The following TUBGCP4 variants were observed in gnomAD, a reference collection of about 807,000 sequenced individuals.
The protein encoded by TUBGCP4 is tubulin gamma complex component 4, also known as gamma-tubulin complex component 4.
A neutral mutation model predicts 91.6 loss-of-function variants in TUBGCP4; 54 were observed. The observed-to-expected ratio is 0.59, with a 90% CI of 0.47 to 0.74. The LOEUF (loss-of-function observed/expected upper bound fraction) is 0.74, where lower values mean the gene tolerates loss of function less well. TUBGCP4 is among the 30% of genes least tolerant of loss of function. TUBGCP4 has a pLI of 0.00. For missense variants in TUBGCP4, 593 were observed against 800.9 expected, an observed-to-expected ratio of 0.74 and a Z score of 3.13; for synonymous variants, 297 against 302.8, an observed-to-expected ratio of 0.98 and a Z score of 0.20.
Position 43,385,736 on chromosome 15 carries a change from GT to G in TUBGCP4, c.724-51del. 3 of 1,587,432 alleles carry G rather than the reference GT, an allele frequency of 1.9e-6. No individual in the cohort carries two copies. The Middle Eastern group carries it at 5.0e-4, about 266-fold the overall frequency. ...TGGGAGAGTTACTAGGTATTTTCTT[GT>G]TTTCCTTTTCTTGCTTCACACTGCA... On this transcript the variant is annotated intron_variant, in intron 7 of 17. Coordinates refer to ENST00000564079, the MANE Select transcript of TUBGCP4 (RefSeq NM_014444.5).
At chr15:43,383,627 G>A (rs2044316504) in intron 7 of TUBGCP4, 123 bp downstream of exon 7, 2 of 738,238 alleles carry the variant, frequency 2.7e-6, no homozygotes, top group South Asian at 2.6e-5. Flanking sequence ...TCCTTTCGAT[G>A]TAAACATTCG....
chr15:43,404,399 CCTT>C lies in TUBGCP4; in HGVS notation c.1849-11_1849-9del, dbSNP rs771076575. 10 of 1,613,962 alleles carry C rather than the reference CCTT, an allele frequency of 6.2e-6. No homozygotes were observed. Among genetic ancestry groups the C allele is most frequent in the Non-Finnish European group, 8.5e-6 (10 of 1,179,900 alleles). ...AGCTGAAGTGGAATGACAGCTGAGT[CCTT>C]CTCTCTGCAGGGCTTTAGCCGCCAG... On this transcript the variant is annotated splice_polypyrimidine_tract_variant and intron_variant, in intron 16 of 17. Coordinates refer to ENST00000564079, the MANE Select transcript of TUBGCP4 (RefSeq NM_014444.5).
chr15:43,403,903 T>A (rs1303688092), intron 16 of TUBGCP4, 104 bp downstream of exon 16: 8 of 768,554 alleles, frequency 1.0e-5, no homozygotes, highest in Non-Finnish European at 1.6e-5. Context: ...ATTTCCTCAA[T>A]ACACACACGT....
Position 43,380,121 on chromosome 15 carries a change from A to G in TUBGCP4, c.479A>G (p.His160Arg). 6.2e-7 allele frequency: 1 copy of G among 1,614,034 alleles called. No homozygotes were observed. The highest frequency in any genetic ancestry group is 8.5e-7 in the Non-Finnish European group (1 of 1,179,942). The change falls in exon 6 of 18, where the codon CAC becomes CGC. Residue 160 changes from histidine to arginine, a missense_variant. His to Arg is a conservative substitution (Grantham distance 29, BLOSUM62 0). Coordinates refer to ENST00000564079, the MANE Select transcript of TUBGCP4 (RefSeq NM_014444.5). ...CAAATCCTGGAAACAGTCTACAAAC[A>G]CAGCTGTGGGGGGTTGCCTCCTGTT... ...GCQILETVYK[H>R]SCGGLPPVRS...
In TUBGCP4 at chr15:43,404,687, A is replaced by G. The variant is rs1345222817; in HGVS notation, c.1988+135A>G. 1.3e-5 allele frequency: 12 copies of G among 917,936 alleles called. No homozygotes were observed. In the Admixed American group the frequency reaches 3.3e-4, roughly 25 times the overall value. The allele number at this position is 917,936 out of a possible 1,614,324, so 56.9% of individuals were successfully genotyped here. A position where few individuals can be genotyped will look rare whatever the true frequency, so the allele number is the denominator to read the frequency against. On this transcript the variant is annotated intron_variant, in intron 17 of 17. Transcript: ENST00000564079. The stretch of plus-strand genomic sequence containing the variant: ...AGTAAGGCTTAGAGATAGAGGTGTG[A>G]CCATCTTTAATAATTTTAATGGAGG...
At chr15:43,404,304 T>C (rs1476158841) in intron 16 of TUBGCP4, 109 bp from the exon 17 acceptor site, 4 of 1,395,118 alleles carry the variant, frequency 2.9e-6, no homozygotes, top group African/African-American at 1.4e-5. Context: ...GGTGGTTCTG[T>C]AGAATTTTGA....
At chr15:43,395,557 A>G (rs778574789) in intron 10 of TUBGCP4, 26 bp from the exon 11 acceptor site, 1 of 1,564,098 alleles carries the variant, frequency 6.4e-7, no homozygotes, top group South Asian at 1.1e-5. Flanking sequence ...GCTTTACTGA[A>G]TTGTAAATTG....
At chr15:43,381,144 A>G (rs530306495) in intron 6 of TUBGCP4, among the ~76,000 whole-genome samples, 117 of 152,286 alleles carry the variant, frequency 7.7e-4, no homozygotes, top group African/African-American at 2.7e-3. Flanking sequence ...CCACTGCATG[A>G]GTAAATCCTC....
At chr15:43,397,731 GAC>G (rs2044605249) in intron 12 of TUBGCP4, among the ~76,000 whole-genome samples, 1 of 152,126 alleles carries the variant, frequency 6.6e-6, no homozygotes, top group Admixed American at 6.5e-5. Context: ...TTCTTTTGGA[GAC>G]AGAGTCTCAC....
intron 5 of TUBGCP4, among the ~76,000 whole-genome samples, chr15:43,379,485 CA>C (rs757483269): frequency 5.3e-5 from 8 of 151,400 alleles, no homozygotes; most frequent in African/African-American, 1.7e-4. Flanking sequence ...ACTAAAAATA[CA>C]AAAAAAATTA....
At chr15:43,375,273 G>A (rs1215928977) in intron 1 of TUBGCP4, among the ~76,000 whole-genome samples, 4 of 152,234 alleles carry the variant, frequency 2.6e-5, no homozygotes, top group Admixed American at 2.0e-4. Context: ...GTTTGGCAGG[G>A]GCTGGATACG....
At position 43,405,453 on chromosome 15, in the gene TUBGCP4, G is replaced by A. The variant is rs1169390425; in HGVS notation, c.*239G>A. On this transcript the variant is annotated 3_prime_UTR_variant, in exon 18 of 18. Coordinates refer to ENST00000564079, the MANE Select transcript of TUBGCP4 (RefSeq NM_014444.5). ...TGGCATCTCTGATCCTTTACATTGA[G>A]AACATTTGTTGGATATGTTCATTTA... is the stretch of plus-strand genomic sequence containing the variant. The A allele has an allele frequency of 3.5e-6, 2 of 576,124 alleles. No individual in the cohort carries two copies. The highest frequency in any genetic ancestry group is 6.2e-6 in the Non-Finnish European group (2 of 323,704). 35.7% of individuals were successfully genotyped at this position (576,124 alleles called of 1,614,324 possible). A position where few individuals can be genotyped will look rare whatever the true frequency, so the allele number is the denominator to read the frequency against.
chr15:43,400,466 T>C (rs1209767755), intron 14 of TUBGCP4, among the ~76,000 whole-genome samples: 1 of 152,184 alleles, frequency 6.6e-6, no homozygotes, highest in Non-Finnish European at 1.5e-5. Flanking sequence ...GGTACAGTCA[T>C]AGCTCACTGA....
intron 6 of TUBGCP4, among the ~76,000 whole-genome samples, chr15:43,380,879 C>T (rs2044275508): frequency 6.6e-6 from 1 of 152,086 alleles, no homozygotes; most frequent in Non-Finnish European, 1.5e-5. Flanking sequence ...TATCCATTTT[C>T]CTTATTTTAA....
chr15:43,372,838 G>T lies in TUBGCP4; in HGVS notation c.78+1406G>T, dbSNP rs561306576. ...CTTGTTTATTTCCCTTGTAGGATTT[G>T]TCACAATTCATAATGTATTGTTGTT... On this transcript the variant is annotated intron_variant, in intron 1 of 17. Transcript: ENST00000564079. Among the ~76,000 whole-genome samples, 7 of 152,268 alleles carry T rather than the reference G, an allele frequency of 4.6e-5. No homozygotes were observed. In the East Asian group the frequency reaches 9.7e-4, roughly 21 times the overall value.
In TUBGCP4 at chr15:43,403,881, A is replaced by G. The variant is rs768625646; in HGVS notation, c.1848+82A>G. ...TGGAGAATTCATGATCTTTCCTCTG[A>G]GTCAGTAAAGCATTTCCTCAATACA... On this transcript the variant is annotated intron_variant, in intron 16 of 17. Transcript: ENST00000564079. 5 of 951,612 alleles carry G rather than the reference A, an allele frequency of 5.3e-6. No individual in the cohort carries two copies. In the African/African-American group the frequency reaches 8.0e-5, roughly 15 times the overall value. The allele number at this position is 951,612 out of a possible 1,614,324, so 58.9% of individuals were successfully genotyped here.
rs1219456539 is a variant in TUBGCP4 at position 43,407,892 on chromosome 15, G to A, written c.*2678G>A. On this transcript the variant is annotated 3_prime_UTR_variant, in exon 18 of 18. Coordinates refer to ENST00000564079, the MANE Select transcript of TUBGCP4 (RefSeq NM_014444.5). ...TGGACCACAAGGCCTAACACCTACA[G>A]GTCTAAGGAGATCCCTGGAACAAAG... 1.3e-6 allele frequency: 2 copies of A among 1,572,638 alleles called. No homozygotes were observed. Among genetic ancestry groups the A allele is most frequent in the Non-Finnish European group, 1.7e-6 (2 of 1,161,096 alleles).
rs2045051993 is a variant in TUBGCP4, at chr15:43,409,764, G to C, written c.*4550G>C. On this transcript the variant is annotated 3_prime_UTR_variant, in exon 18 of 18. Coordinates refer to ENST00000564079, the MANE Select transcript of TUBGCP4 (RefSeq NM_014444.5). The stretch of plus-strand genomic sequence containing the variant: ...ATTCTATATTAAAAAAAAAAACCAA[G>C]ATAATAATTACTGAGTGGTTTTCTT... 1 of 1,221,726 alleles carries C rather than the reference G, an allele frequency of 8.2e-7. No homozygotes were observed. Among genetic ancestry groups the C allele is most frequent in the Non-Finnish European group, 1.1e-6 (1 of 872,662 alleles). 75.7% of individuals were successfully genotyped at this position (1,221,726 alleles called of 1,614,324 possible). A position where few individuals can be genotyped will look rare whatever the true frequency, so the allele number is the denominator to read the frequency against.
intron 9 of TUBGCP4, among the ~76,000 whole-genome samples, chr15:43,390,358 A>G (rs2044445675): frequency 6.6e-6 from 1 of 152,074 alleles, no homozygotes; most frequent in South Asian, 2.1e-4. Flanking sequence ...TTCTTGTATT[A>G]ATTTTGGTAT....
Sources: allele counts gnomAD v4.1 joint callset (sites outside exome capture counted in the v4.1 genomes callset), GRCh38; gene constraint gnomAD v4.1.1; transcripts MANE v1.5; gene names NCBI Gene and HGNC (gene_info 2026-07-23, HGNC 2026-07-21).